The following OSBPL3 variants were observed in gnomAD, a reference collection of about 807,000 sequenced individuals.
OSBPL3 encodes the protein oxysterol binding protein like 3.
In OSBPL3, 65 loss-of-function variants were observed where a neutral mutation model predicts 120.1. That is an observed-to-expected ratio of 0.54 (90% CI 0.44 to 0.67). The LOEUF (loss-of-function observed/expected upper bound fraction) is 0.67, where lower values mean the gene tolerates loss of function less well. OSBPL3 is among the 30% of genes least tolerant of loss of function. The pLI is 0.00. For missense variants in OSBPL3, 1,004 were observed against 1,082.1 expected, an observed-to-expected ratio of 0.93 and a Z score of 1.01; for synonymous variants, 416 against 402.6, an observed-to-expected ratio of 1.03 and a Z score of -0.40.
chr7:24,821,900 G>T lies in OSBPL3; in HGVS notation c.1885-1662C>A, dbSNP rs1427956836. On this transcript the variant is annotated intron_variant, in intron 16 of 22. Transcript: ENST00000313367. This position sits in a 1 kb window ranked among gnomAD's most constrained non-coding sequence, Gnocchi z 5.5. ...GTCTTTTTTCTTTTTTTGAGACAGG[G>T]TCTCCCTCTGCCACCCAGGCTGGAG... is the stretch of plus-strand genomic sequence containing the variant. Among the ~76,000 whole-genome samples the T allele has an allele frequency of 6.6e-6, 1 of 152,052 alleles. No individual in the cohort carries two copies. The highest frequency in any genetic ancestry group is 1.5e-5 in the Non-Finnish European group (1 of 68,016).
chr7:24,809,747 T>G (rs1793527412), intron 20 of OSBPL3, 60 bp downstream of exon 20: 1 of 1,545,874 alleles, frequency 6.5e-7, no homozygotes, highest in African/African-American at 1.4e-5. Context: ...TGTGGCTTCT[T>G]GTGTCATGCC....
intron 2 of OSBPL3, among the ~76,000 whole-genome samples, chr7:24,884,816 G>A (rs775272815): frequency 5.3e-5 from 8 of 152,128 alleles, no homozygotes; most frequent in Non-Finnish European, 7.4e-5. Flanking sequence ...GTTCATGCTC[G>A]CTGCCTCTCC....
Position 24,871,770 on chromosome 7 carries a change from ATT to A in OSBPL3, c.237_238del (p.Ile80LeufsTer20). 1 of 1,613,394 alleles carries A rather than the reference ATT, an allele frequency of 6.2e-7. No individual in the cohort carries two copies. Among genetic ancestry groups the A allele is most frequent in the Non-Finnish European group, 8.5e-7 (1 of 1,179,334 alleles). Reference sequence around the variant, plus strand: ...GGTTTGGCTCTTGGCATATTTCAAGATTCCTTTGTCCAGATAGAAGAATCTCT... The same window carrying A: ...GGTTTGGCTCTTGGCATATTTCAAGACCTTTGTCCAGATAGAAGAATCTCT... On this transcript the variant is annotated frameshift_variant, in exon 4 of 23. Coordinates refer to ENST00000313367, the MANE Select transcript of OSBPL3 (RefSeq NM_015550.4). LOFTEE classifies it high-confidence loss of function. This position sits in a 1 kb window ranked among gnomAD's most constrained non-coding sequence, Gnocchi z 4.8.
At chr7:24,975,885 C>T (rs1010644487) in intron 1 of OSBPL3, among the ~76,000 whole-genome samples, 3 of 152,142 alleles carry the variant, frequency 2.0e-5, no homozygotes, top group Non-Finnish European at 4.4e-5. Flanking sequence ...TAGGTTTTCA[C>T]ACGGAGAGAA....
In OSBPL3 at chr7:24,894,958, G is replaced by A. The variant is rs370038729; in HGVS notation, c.-149-2337C>T. ...TTAGAGCCAAGGGCTCTGCCAGCAT[G>A]ACCCCCTGGTGACCCCTACCCCTGT... On this transcript the variant is annotated intron_variant, in intron 1 of 22. Coordinates refer to ENST00000313367, the MANE Select transcript of OSBPL3 (RefSeq NM_015550.4). The surrounding 1 kb of genome is among the most constrained non-coding windows in gnomAD (Gnocchi z 4.1). 2.0e-5 allele frequency among the ~76,000 whole-genome samples: 3 copies of A among 152,244 alleles called. No individual in the cohort carries two copies. The highest frequency in any genetic ancestry group is 3.9e-4 in the East Asian group (2 of 5,164).
chr7:24,940,710 C>G lies in OSBPL3; in HGVS notation c.-150+39176G>C, dbSNP rs926230228. 6.6e-6 allele frequency among the ~76,000 whole-genome samples: 1 copy of G among 152,066 alleles called. No homozygotes were observed. Among genetic ancestry groups the G allele is most frequent in the Admixed American group, 6.6e-5 (1 of 15,266 alleles). On this transcript the variant is annotated intron_variant, in intron 1 of 22. Coordinates refer to ENST00000313367, the MANE Select transcript of OSBPL3 (RefSeq NM_015550.4). The surrounding 1 kb of genome is among the most constrained non-coding windows in gnomAD (Gnocchi z 4.4). ...GTCAGGTAAGTCCTCAATATAAGCA[C>G]AGCAGAGGATAACAACAGGCCAGGA...
intron 10 of OSBPL3, among the ~76,000 whole-genome samples, chr7:24,860,049 G>A (rs1800311598): frequency 6.6e-6 from 1 of 152,266 alleles, no homozygotes; most frequent in African/African-American, 2.4e-5. Flanking sequence ...AAACGTGGGA[G>A]TTGACATTAG....
chr7:24,797,336 AG>A lies in OSBPL3; in HGVS notation c.*2846del, dbSNP rs1316307334. ...ATATATTAGTTTGTATATTTCCCCC[AG>A]GAAGTCTCACAGGAAGCACAGGACA... On this transcript the variant is annotated 3_prime_UTR_variant, in exon 23 of 23. Coordinates refer to ENST00000313367, the MANE Select transcript of OSBPL3 (RefSeq NM_015550.4). The surrounding 1 kb of genome is among the most constrained non-coding windows in gnomAD (Gnocchi z 4.8). 6 of 152,328 alleles carry A rather than the reference AG, an allele frequency of 3.9e-5. No individual in the cohort carries two copies. In the South Asian group the frequency reaches 1.0e-3, roughly 26 times the overall value. 9.4% of individuals were successfully genotyped at this position (152,328 alleles called of 1,614,324 possible). A position where few individuals can be genotyped will look rare whatever the true frequency, so the allele number is the denominator to read the frequency against.
rs1164090801 is a variant in OSBPL3, at chr7:24,849,360, G to A, written c.1159-184C>T. 9.1e-6 allele frequency: 4 copies of A among 438,048 alleles called. No individual in the cohort carries two copies. The highest frequency in any genetic ancestry group is 1.7e-5 in the Non-Finnish European group (4 of 242,212). The allele number at this position is 438,048 out of a possible 1,614,324, so 27.1% of individuals were successfully genotyped here. On this transcript the variant is annotated intron_variant, in intron 11 of 22. Transcript: ENST00000313367. The surrounding 1 kb of genome is among the most constrained non-coding windows in gnomAD (Gnocchi z 5.4). ...AGAGGATACTGGTTCTGAGATGCCT[G>A]GGAGATGACAAACCTGGGCTCTGGA...
chr7:24,950,292 A>G (rs866915969), intron 1 of OSBPL3, among the ~76,000 whole-genome samples: 2 of 152,354 alleles, frequency 1.3e-5, no homozygotes, highest in Middle Eastern at 3.4e-3. Context: ...AGATCTCTAG[A>G]GAATCGAAAT....
chr7:24,970,886 GA>G (rs1488376780), intron 1 of OSBPL3, among the ~76,000 whole-genome samples: 1 of 152,208 alleles, frequency 6.6e-6, no homozygotes, highest in African/African-American at 2.4e-5. Context: ...GTTCCTAGAT[GA>G]CACTGATACA....
rs769317392 is a variant in OSBPL3 at position 24,871,761 on chromosome 7, T to C, written c.248A>G (p.Tyr83Cys). Residue 83 changes from tyrosine (Y) to cysteine (C), a missense_variant, in exon 4 of 23, where the codon TAT (tyrosine) becomes TGT (cysteine). By Grantham distance (194) the Tyr-to-Cys change is radical. This residue lies in a region of OSBPL3 where 255 missense variants were observed against 248.7 expected (regional missense o/e 1.03). Coordinates refer to ENST00000313367, the MANE Select transcript of OSBPL3 (RefSeq NM_015550.4). The surrounding 1 kb of genome is among the most constrained non-coding windows in gnomAD (Gnocchi z 4.8). The part of the protein sequence containing the change: ...FFYLDKGILK[Y>C]AKSQTDIERE... ...ACTTACATCGGTTTGGCTCTTGGCA[T>C]ATTTCAAGATTCCTTTGTCCAGATA... The C allele has an allele frequency of 6.2e-7, 1 of 1,613,280 alleles. No homozygotes were observed. The highest frequency in any genetic ancestry group is 8.5e-7 in the Non-Finnish European group (1 of 1,179,232).
rs961149536 is a variant in OSBPL3, at chr7:24,930,195, A to T, written c.-149-37574T>A. 2.0e-5 allele frequency among the ~76,000 whole-genome samples: 3 copies of T among 152,194 alleles called. No individual in the cohort carries two copies. The highest frequency in any genetic ancestry group is 2.9e-5 in the Non-Finnish European group (2 of 68,018). ...TATTCTTCTAATTAACTAATGATCA[A>T]AGGTGAGGCAGAAATGCATGGCAAA... On this transcript the variant is annotated intron_variant, in intron 1 of 22. Transcript: ENST00000313367. This position sits in a 1 kb window ranked among gnomAD's most constrained non-coding sequence, Gnocchi z 4.4.
In OSBPL3 at chr7:24,818,984, G is replaced by A. The variant is rs945138223; in HGVS notation, c.1948+1191C>T. Among the ~76,000 whole-genome samples, 2 of 152,202 alleles carry A rather than the reference G, an allele frequency of 1.3e-5. No individual in the cohort carries two copies. The highest frequency in any genetic ancestry group is 2.9e-5 in the Non-Finnish European group (2 of 68,042). On this transcript the variant is annotated intron_variant, in intron 17 of 22. Coordinates refer to ENST00000313367, the MANE Select transcript of OSBPL3 (RefSeq NM_015550.4). The surrounding 1 kb of genome is among the most constrained non-coding windows in gnomAD (Gnocchi z 4.0). ...AAAATCCAACTTTTGGCTGGGCGCA[G>A]TGGCTCATGCCTGTAATCCCAGCAT...
intron 2 of OSBPL3, among the ~76,000 whole-genome samples, chr7:24,874,760 C>T (rs776218098): frequency 6.6e-5 from 10 of 152,214 alleles, no homozygotes; most frequent in Middle Eastern, 3.4e-3. Flanking sequence ...TTGGAAAAGC[C>T]AGGTTTGAAA....
At position 24,820,386 on chromosome 7, in the gene OSBPL3, C is replaced by T; in HGVS notation, c.1885-148G>A. On this transcript the variant is annotated intron_variant, in intron 16 of 22. Coordinates refer to ENST00000313367, the MANE Select transcript of OSBPL3 (RefSeq NM_015550.4). This position sits in a 1 kb window ranked among gnomAD's most constrained non-coding sequence, Gnocchi z 4.6. ...TTTAGTTTCCCTCATCAAGTGTGTC[C>T]TCAAGAGGGCGCTCCTGATACAGTC... The T allele has an allele frequency of 1.7e-6, 1 of 591,946 alleles. No individual in the cohort carries two copies. The highest frequency in any genetic ancestry group is 3.1e-5 in the East Asian group (1 of 32,482). 36.7% of individuals were successfully genotyped at this position (591,946 alleles called of 1,614,324 possible).
At position 24,913,456 on chromosome 7, in the gene OSBPL3, G is replaced by C. The variant is rs1809125283; in HGVS notation, c.-149-20835C>G. 6.6e-6 allele frequency among the ~76,000 whole-genome samples: 1 copy of C among 152,052 alleles called. No homozygotes were observed. Among genetic ancestry groups the C allele is most frequent in the Non-Finnish European group, 1.5e-5 (1 of 68,008 alleles). The stretch of plus-strand genomic sequence containing the variant: ...CTGCTGGGTAGGTCAGACTCAGAAG[G>C]GGGCTCCTTGACCAACAAACCCTGA... On this transcript the variant is annotated intron_variant, in intron 1 of 22. Transcript: ENST00000313367. This position sits in a 1 kb window ranked among gnomAD's most constrained non-coding sequence, Gnocchi z 5.3.
chr7:24,890,501 C>A (rs774595853), intron 2 of OSBPL3, among the ~76,000 whole-genome samples: 61 of 152,102 alleles, frequency 4.0e-4, no homozygotes, highest in Non-Finnish European at 6.8e-4. Context: ...CAAGGTGGAC[C>A]CCGTGGATGG....
chr7:24,807,628 T>A lies in OSBPL3; in HGVS notation c.2318-726A>T, dbSNP rs547578549. Among the ~76,000 whole-genome samples, 14 of 152,310 alleles carry A rather than the reference T, an allele frequency of 9.2e-5. No homozygotes were observed. The East Asian group carries it at 2.1e-3, about 23-fold the overall frequency. ...GATGTCAAATTCTCTTGAAACTCTGTTTAGTACCTAGAACAGTGCTGAACA... is the reference window on the plus strand; with the variant it reads ...GATGTCAAATTCTCTTGAAACTCTGATTAGTACCTAGAACAGTGCTGAACA... On this transcript the variant is annotated intron_variant, in intron 20 of 22. Transcript: ENST00000313367.
Sources: allele counts gnomAD v4.1 joint callset (sites outside exome capture counted in the v4.1 genomes callset), GRCh38; gene constraint gnomAD v4.1.1; regional missense constraint gnomAD v4.1.1; non-coding constraint Gnocchi (gnomAD v3.1); transcripts MANE v1.5; gene names NCBI Gene and HGNC (gene_info 2026-07-23, HGNC 2026-07-21).